TG: variants seen among roughly 807,000 people sequenced by gnomAD.
TG encodes the protein thyroid hormones.
Under a neutral mutation model 324.7 loss-of-function variants are expected in TG, and 270 were observed. The observed-to-expected ratio is 0.83, with a 90% CI of 0.75 to 0.92. TG has a LOEUF of 0.92. Among genes scored for constraint, TG ranks in the 40% least tolerant of loss-of-function variants. The pLI is 0.00. For missense variants in TG, 3,591 were observed against 3,456.4 expected (o/e 1.04, Z -0.98); for synonymous variants, 1,401 against 1,327.0 (o/e 1.06, Z -1.21).
chr8:133,060,822 G>C (rs1469533813), intron 41 of TG, among the ~76,000 whole-genome samples: 1 of 152,186 alleles, frequency 6.6e-6, no homozygotes, highest in Admixed American at 6.5e-5. Context: ...TGTGCAGTGA[G>C]GGAAACTGAG....
intron 20 of TG, 55 bp from the exon 21 acceptor site, chr8:132,919,321 G>A (rs771211389): frequency 3.8e-6 from 6 of 1,576,304 alleles, no homozygotes; most frequent in African/African-American, 1.3e-5. Context: ...TTCTGGGATT[G>A]TAACTGTGAA....
chr8:133,129,066 G>A (rs778440689), intron 45 of TG, among the ~76,000 whole-genome samples: 7 of 152,164 alleles, frequency 4.6e-5, no homozygotes, highest in Non-Finnish European at 1.0e-4. Flanking sequence ...CCCAGCCAGT[G>A]CCCAGATTCA....
chr8:133,105,226 A>G (rs1330223065), intron 43 of TG, among the ~76,000 whole-genome samples: 6 of 152,176 alleles, frequency 3.9e-5, no homozygotes, highest in African/African-American at 1.4e-4. Context: ...GCAAAAATTG[A>G]CTACAGGCTG....
At chr8:132,966,830 T>G (rs1444361052) in intron 30 of TG, 133 bp downstream of exon 30, 4 of 1,100,098 alleles carry the variant, frequency 3.6e-6, no homozygotes, top group Non-Finnish European at 4.1e-6. Context: ...GTGGATGATA[T>G]AAAAGAAAGA....
intron 45 of TG, among the ~76,000 whole-genome samples, chr8:133,122,065 G>A (rs1049221173): frequency 2.0e-5 from 3 of 152,094 alleles, no homozygotes; most frequent in African/African-American, 7.2e-5. Context: ...TCAGCCATCT[G>A]TCTCGTACCT....
At chr8:133,112,839 C>G (rs570681667) in intron 43 of TG, among the ~76,000 whole-genome samples, 1 of 152,308 alleles carries the variant, frequency 6.6e-6, no homozygotes, top group East Asian at 1.9e-4. Context: ...ACCTCTGCCA[C>G]TAGAACGTGA....
chr8:133,039,500 C>T (rs1415104598), intron 41 of TG, among the ~76,000 whole-genome samples: 3 of 152,154 alleles, frequency 2.0e-5, no homozygotes, highest in African/African-American at 4.8e-5. Context: ...CAATCCCAAA[C>T]TACAGATATC....
intron 46 of TG, among the ~76,000 whole-genome samples, chr8:133,132,517 C>G (rs1052187863): frequency 6.6e-6 from 1 of 152,194 alleles, no homozygotes; most frequent in Non-Finnish European, 1.5e-5. Flanking sequence ...GAAGTATACT[C>G]GCTGTCCCCA....
At position 132,881,860 on chromosome 8, in the gene TG, A is replaced by G. The variant is rs892669391; in HGVS notation, c.639-3A>G. ...GGTGACCGTAAATCTCATTCTCTCC[A>G]AGGTTTCCAGATGCATTTGTGACCT... On this transcript the variant is annotated splice_region_variant and splice_polypyrimidine_tract_variant and intron_variant, in intron 5 of 47. Transcript: ENST00000220616. 3 of 1,606,032 alleles carry G rather than the reference A, an allele frequency of 1.9e-6. No homozygotes were observed. The highest frequency in any genetic ancestry group is 1.7e-6 in the Non-Finnish European group (2 of 1,172,782).
At chr8:133,085,589 A>G (rs73708839) in intron 41 of TG, among the ~76,000 whole-genome samples, 7,806 of 152,286 alleles carry the variant, frequency 0.051, 652 homozygotes, top group African/African-American at 0.18. Context: ...AAATGGGCCC[A>G]TAAGCATAGC....
Position 133,074,410 on chromosome 8 carries a change from C to T in TG, c.7240-20634C>T, listed in dbSNP as rs1432765261. ...TGCTGAAACTGGCCTGGGCACCTAG[C>T]ATATGTCAATTTCTTCACTTTGCCC... On this transcript the variant is annotated intron_variant, in intron 41 of 47. Transcript: ENST00000220616. Among the ~76,000 whole-genome samples, 4 of 152,300 alleles carry T rather than the reference C, an allele frequency of 2.6e-5. No homozygotes were observed. The East Asian group carries it at 7.7e-4, about 29-fold the overall frequency.
intron 29 of TG, chr8:132,964,878 A>G (rs1157045244): frequency 1.4e-6 from 1 of 701,066 alleles, no homozygotes; most frequent in Non-Finnish European, 2.6e-6. Context: ...AGCAGCCTGC[A>G]GGGGCCAGGA....
At chr8:132,979,648 C>G (rs1331404599) in intron 34 of TG, among the ~76,000 whole-genome samples, 1 of 152,176 alleles carries the variant, frequency 6.6e-6, no homozygotes, top group Non-Finnish European at 1.5e-5. Context: ...TGAGGTAGGG[C>G]CTACTGTTAC....
intron 41 of TG, chr8:133,047,924 A>G: frequency 6.2e-7 from 1 of 1,606,514 alleles, no homozygotes; most frequent in South Asian, 1.1e-5. Flanking sequence ...CCAGGCCCTC[A>G]AACAGCCAGC....
At position 132,966,632 on chromosome 8, in the gene TG, G is replaced by T. The variant is rs1828605765; in HGVS notation, c.5621G>T (p.Ser1874Ile). The change falls in exon 30 of 48, where the codon AGC becomes ATC. Residue 1874 changes from serine (S) to isoleucine (I), a missense_variant. Physicochemically the swap from Ser to Ile is moderately radical, Grantham distance 142. Transcript: ENST00000220616. Reference protein sequence around the residue: ...VIVNGNQSLSSQKHWLFKHLF... With the variant: ...VIVNGNQSLSIQKHWLFKHLF... ...GTCAATGGAAATCAATCACTATCCA[G>T]CCAGAAGCACTGGCTTTTCAAGCAC... is the stretch of plus-strand genomic sequence containing the variant. 1 of 1,614,074 alleles carries T rather than the reference G, an allele frequency of 6.2e-7. No homozygotes were observed. The highest frequency in any genetic ancestry group is 1.3e-5 in the African/African-American group (1 of 75,014).
At chr8:132,911,348 T>C (rs1419617830) in intron 18 of TG, 29 bp from the exon 19 acceptor site, 2 of 1,614,102 alleles carry the variant, frequency 1.2e-6, no homozygotes, top group Admixed American at 1.7e-5. Context: ...CTCTGTGTTC[T>C]TGAGCTGAAA....
intron 41 of TG, among the ~76,000 whole-genome samples, chr8:133,065,370 C>T (rs1165634516): frequency 2.0e-5 from 3 of 152,252 alleles, no homozygotes; most frequent in Non-Finnish European, 2.9e-5. Flanking sequence ...GCTCTAAAAC[C>T]TGTGCTCTAA....
At chr8:132,935,108 A>G (rs1587471884) in intron 24 of TG, among the ~76,000 whole-genome samples, 1 of 150,580 alleles carries the variant, frequency 6.6e-6, no homozygotes, top group Admixed American at 6.6e-5. Flanking sequence ...GCTTAAAATC[A>G]GCCCTCTCTT....
In TG at chr8:132,933,657, C is replaced by T. The variant is rs777563646; in HGVS notation, c.4913C>T (p.Ala1638Val). ...DFYAWTSDNV[A>V]CMTSDQKRDA... ...TATGCTTGGACAAGTGACAATGTTG[C>T]CTGCATGACTTCTGACCAGGTGAGG... Residue 1638 changes from alanine to valine, a missense_variant, in exon 24 of 48, where the codon GCC (alanine) becomes GTC (valine). Physicochemically the swap from Ala to Val is moderately conservative, Grantham distance 64. Coordinates refer to ENST00000220616, the MANE Select transcript of TG (RefSeq NM_003235.5). 6.2e-7 allele frequency: 1 copy of T among 1,614,110 alleles called. No individual in the cohort carries two copies. The highest frequency in any genetic ancestry group is 8.5e-7 in the Non-Finnish European group (1 of 1,180,026).
Sources: gnomAD v4.1 joint callset for allele counts (sites outside exome capture counted in the v4.1 genomes callset) on GRCh38, gnomAD v4.1.1 for gene constraint, MANE v1.5 for transcripts, NCBI Gene and HGNC (gene_info 2026-07-23, HGNC 2026-07-21) for gene names.